NCAM2: variants seen among roughly 807,000 people sequenced by gnomAD.
The protein encoded by NCAM2 is neural cell adhesion molecule 2.
Under a neutral mutation model 98.1 loss-of-function variants are expected in NCAM2, and 30 were observed. The ratio of observed to expected loss-of-function variants is 0.31; its 90% CI spans 0.23 to 0.41. The LOEUF (loss-of-function observed/expected upper bound fraction) is 0.41. Among genes scored for constraint, NCAM2 ranks in the 10% least tolerant of loss-of-function variants. The probability of loss-of-function intolerance (pLI) is 1.00; values close to 1 mark genes in which losing one functional copy is unlikely to be tolerated. For synonymous variants in NCAM2, 368 were observed against 342.4 expected (o/e 1.07, Z -0.83); for missense variants, 867 against 1,005.8 (o/e 0.86, Z 1.87).
At chr21:21,459,449 AATAT>A (rs1003756189) in intron 12 of NCAM2, among the ~76,000 whole-genome samples, 1 of 148,478 alleles carries the variant, frequency 6.7e-6, no homozygotes, top group Non-Finnish European at 1.5e-5. Flanking sequence ...CCATATTTAT[AATAT>A]ATATAATATA....
At chr21:21,153,535 G>A (rs1280750560) in intron 1 of NCAM2, among the ~76,000 whole-genome samples, 1 of 151,822 alleles carries the variant, frequency 6.6e-6, no homozygotes, top group East Asian at 1.9e-4. Flanking sequence ...ATGAACGTTT[G>A]GAGGAGAAAG....
intron 15 of NCAM2, among the ~76,000 whole-genome samples, chr21:21,501,621 T>TA (rs1419586123): frequency 6.6e-6 from 1 of 151,352 alleles, no homozygotes; most frequent in Non-Finnish European, 1.5e-5. Flanking sequence ...ATGTTCCTTT[T>TA]TTTTTTTTTG....
Position 21,534,655 on chromosome 21 carries a change from G to A in NCAM2, c.2401G>A (p.Glu801Lys), listed in dbSNP as rs1318963596. ...TGAAACCACACCACTGACAGAACCT[G>A]AGTATGTGGCTTGGAGTGCTCACTT... ...PNETTPLTEP[E>K]KLPLKEEDGK... Residue 801 changes from glutamate (E) to lysine (K), a missense_variant and splice_region_variant, in exon 17 of 18, where the codon GAA becomes AAA. Coordinates refer to ENST00000400546, the MANE Select transcript of NCAM2 (RefSeq NM_004540.5). 6.2e-7 allele frequency: 1 copy of A among 1,606,588 alleles called. No individual in the cohort carries two copies. Among genetic ancestry groups the A allele is most frequent in the Non-Finnish European group, 8.5e-7 (1 of 1,176,952 alleles).
chr21:21,327,183 C>T (rs1018520249), intron 6 of NCAM2, among the ~76,000 whole-genome samples: 6 of 151,980 alleles, frequency 3.9e-5, no homozygotes, highest in Non-Finnish European at 8.8e-5. Flanking sequence ...TGGTACGCGC[C>T]TGTAGTCCCA....
At chr21:21,403,833 G>A (rs574745843) in intron 9 of NCAM2, among the ~76,000 whole-genome samples, 13 of 152,188 alleles carry the variant, frequency 8.5e-5, no homozygotes, top group East Asian at 7.7e-4. Context: ...TTCACCATAC[G>A]TTATGGAGTA....
At chr21:21,485,352 C>A (rs1230951006) in intron 15 of NCAM2, among the ~76,000 whole-genome samples, 1 of 152,042 alleles carries the variant, frequency 6.6e-6, no homozygotes, top group South Asian at 2.1e-4. Context: ...TCCTATTGTT[C>A]TAACATAAGT....
chr21:21,389,867 A>G (rs1035545860), intron 9 of NCAM2, among the ~76,000 whole-genome samples: 2 of 152,036 alleles, frequency 1.3e-5, no homozygotes, highest in Non-Finnish European at 2.9e-5. Flanking sequence ...TATTATTATT[A>G]TGAGGCGGAG....
At chr21:21,249,492 A>G (rs1222467688) in intron 1 of NCAM2, among the ~76,000 whole-genome samples, 2 of 152,142 alleles carry the variant, frequency 1.3e-5, no homozygotes, top group Admixed American at 6.5e-5. Flanking sequence ...CTTCAGGTTT[A>G]TTATAAACAT....
At chr21:21,523,489 T>A (rs370870608) in intron 16 of NCAM2, among the ~76,000 whole-genome samples, 3 of 151,722 alleles carry the variant, frequency 2.0e-5, no homozygotes, top group Non-Finnish European at 4.4e-5. Flanking sequence ...AGGAAATGCA[T>A]CAGAGAAAGA....
intron 8 of NCAM2, among the ~76,000 whole-genome samples, chr21:21,369,081 ACTT>A (rs1430915459): frequency 6.6e-6 from 1 of 151,758 alleles, no homozygotes; most frequent in Non-Finnish European, 1.5e-5. Context: ...TCATTTGATC[ACTT>A]CTTTTGGTCA....
chr21:21,374,601 C>T (rs945485111), intron 9 of NCAM2, among the ~76,000 whole-genome samples: 7 of 151,742 alleles, frequency 4.6e-5, no homozygotes, highest in Non-Finnish European at 5.9e-5. Flanking sequence ...TAATGTAAGT[C>T]AAGCTTTCAC....
chr21:21,191,822 T>C (rs2068833653), intron 1 of NCAM2, among the ~76,000 whole-genome samples: 1 of 152,206 alleles, frequency 6.6e-6, no homozygotes, highest in African/African-American at 2.4e-5. Flanking sequence ...GTCCTTAGGA[T>C]GATTGCAACC....
chr21:21,254,311 C>T (rs2071581336), intron 1 of NCAM2, among the ~76,000 whole-genome samples: 1 of 152,198 alleles, frequency 6.6e-6, no homozygotes, highest in South Asian at 2.1e-4. Flanking sequence ...TGAAGTTACA[C>T]AGCTATTAAG....
chr21:21,399,710 T>G (rs2076587542), intron 9 of NCAM2, among the ~76,000 whole-genome samples: 1 of 152,148 alleles, frequency 6.6e-6, no homozygotes, highest in Admixed American at 6.6e-5. Flanking sequence ...GTCAAAGACT[T>G]GTATATTTCA....
rs1370182605 is a variant in NCAM2, at chr21:21,542,380, G to A, written c.*4423G>A. On this transcript the variant is annotated 3_prime_UTR_variant, in exon 18 of 18. Transcript: ENST00000400546. ...ATAACACAATATTCTTAGAAAAATA[G>A]TTTATTACTTTAGGATTTTATCTAT... The A allele has an allele frequency of 6.6e-6, 1 of 151,424 alleles. No homozygotes were observed. Among genetic ancestry groups the A allele is most frequent in the Non-Finnish European group, 1.5e-5 (1 of 67,734 alleles). 9.4% of individuals were successfully genotyped at this position (151,424 alleles called of 1,614,324 possible). A position where few individuals can be genotyped will look rare whatever the true frequency, so the allele number is the denominator to read the frequency against.
intron 1 of NCAM2, among the ~76,000 whole-genome samples, chr21:21,260,814 C>A (rs539170681): frequency 7.7e-4 from 117 of 152,188 alleles, no homozygotes; most frequent in Non-Finnish European, 1.4e-3. Flanking sequence ...TACAAAGCAA[C>A]TAGCTAACAG....
intron 1 of NCAM2, among the ~76,000 whole-genome samples, chr21:21,176,177 G>C (rs1341144664): frequency 6.6e-6 from 1 of 152,126 alleles, no homozygotes; most frequent in Non-Finnish European, 1.5e-5. Context: ...ATTATTGGAA[G>C]CACTAGGCTA....
rs1988184323 is a variant in NCAM2 at position 21,509,003 on chromosome 21, A to G, written c.2230A>G (p.Ser744Gly). Residue 744 changes from serine (S) to glycine (G), a missense_variant, in exon 16 of 18, where the codon AGT becomes GGT. Coordinates refer to ENST00000400546, the MANE Select transcript of NCAM2 (RefSeq NM_004540.5). ...CACTAGGAGAATGTGTGGAAAGAAAAGTGGCTCCAGTGGCAAAAGTAAAGA... is the reference window on the plus strand; with the variant it reads ...CACTAGGAGAATGTGTGGAAAGAAAGGTGGCTCCAGTGGCAAAAGTAAAGA... ...CITRRMCGKK[S>G]GSSGKSKELE... 6.2e-7 allele frequency: 1 copy of G among 1,613,454 alleles called. No individual in the cohort carries two copies. Among genetic ancestry groups the G allele is most frequent in the Non-Finnish European group, 8.5e-7 (1 of 1,179,738 alleles).
intron 1 of NCAM2, among the ~76,000 whole-genome samples, chr21:21,137,278 T>C (rs991280955): frequency 2.0e-5 from 3 of 152,250 alleles, no homozygotes; most frequent in Admixed American, 6.5e-5. Context: ...CAGAATATCA[T>C]ACAAAGTTCT....
Sources: gnomAD v4.1 joint callset for allele counts (sites outside exome capture counted in the v4.1 genomes callset) on GRCh38, gnomAD v4.1.1 for gene constraint, MANE v1.5 for transcripts, NCBI Gene and HGNC (gene_info 2026-07-23, HGNC 2026-07-21) for gene names.